CDYL2: variants seen among roughly 807,000 people sequenced by gnomAD.
The protein encoded by CDYL2 is chromodomain Y like 2, also known as chromodomain Y-like protein 2.
A neutral mutation model predicts 49.4 loss-of-function variants in CDYL2; 23 were observed. The ratio of observed to expected loss-of-function variants is 0.47; its 90% CI spans 0.34 to 0.66. CDYL2 has a LOEUF of 0.66. CDYL2 is among the 30% of genes least tolerant of loss of function. The pLI is 0.01. For missense variants in CDYL2, 678 were observed against 656.4 expected, an observed-to-expected ratio of 1.03 and a Z score of -0.36; for synonymous variants, 360 against 268.8, an observed-to-expected ratio of 1.34 and a Z score of -3.32.
At chr16:80,622,692 T>C (rs1333412050) in intron 3 of CDYL2, among the ~76,000 whole-genome samples, 2 of 152,108 alleles carry the variant, frequency 1.3e-5, no homozygotes, top group Non-Finnish European at 2.9e-5. Context: ...GCAGGCTGCT[T>C]GCTCACCCAC....
intron 1 of CDYL2, among the ~76,000 whole-genome samples, chr16:80,800,758 G>T (rs150026189): frequency 5.9e-5 from 9 of 152,220 alleles, no homozygotes; most frequent in African/African-American, 2.2e-4. Context: ...CCAGTCTTCT[G>T]CTCACTGATT....
At chr16:80,688,272 A>G (rs1208528233) in intron 1 of CDYL2, among the ~76,000 whole-genome samples, 1 of 152,180 alleles carries the variant, frequency 6.6e-6, no homozygotes, top group Non-Finnish European at 1.5e-5. Flanking sequence ...ACCCAATACC[A>G]ATGATGAGCA....
intron 2 of CDYL2, among the ~76,000 whole-genome samples, chr16:80,669,662 C>G (rs1358348605): frequency 6.6e-6 from 1 of 152,130 alleles, no homozygotes; most frequent in African/African-American, 2.4e-5. Context: ...AGACAGCTAA[C>G]TCTTATCCTC....
rs111623985 is a variant in CDYL2 at position 80,638,100 on chromosome 16, G to C, written c.617-4864C>G. 5.4e-3 allele frequency among the ~76,000 whole-genome samples: 816 copies of C among 151,832 alleles called. 10 individuals are homozygous for C. The highest frequency in any genetic ancestry group is 0.018 in the African/African-American group (748 of 41,412). ...TCCATTTTTTTTTTTCTTGAGACAA[G>C]GTCTTGCTGTGTCACCCAGGCTGGA... is the stretch of plus-strand genomic sequence containing the variant. On this transcript the variant is annotated intron_variant, in intron 2 of 6. Coordinates refer to ENST00000570137, the MANE Select transcript of CDYL2 (RefSeq NM_152342.4).
chr16:80,609,333 G>A (rs1906490527), intron 5 of CDYL2, among the ~76,000 whole-genome samples: 1 of 152,168 alleles, frequency 6.6e-6, no homozygotes, highest in African/African-American at 2.4e-5. Flanking sequence ...GCCTCTACAT[G>A]CTAGCTCCTC....
chr16:80,681,806 C>G (rs534046810), intron 2 of CDYL2, among the ~76,000 whole-genome samples: 67 of 152,324 alleles, frequency 4.4e-4, no homozygotes, highest in African/African-American at 1.5e-3. Context: ...ATTCCAACTT[C>G]CTGGCAAGTT....
At chr16:80,737,513 T>A (rs1007010674) in intron 1 of CDYL2, among the ~76,000 whole-genome samples, 3 of 152,192 alleles carry the variant, frequency 2.0e-5, no homozygotes, top group African/African-American at 7.2e-5. Flanking sequence ...TGTACCTTGC[T>A]CTAGGTACCG....
Position 80,633,005 on chromosome 16 carries a change from C to A in CDYL2, c.834+14G>T. On this transcript the variant is annotated intron_variant, in intron 3 of 6. Transcript: ENST00000570137. ...CAGCCCAGCTTGCCCTTCCCTCTGG[C>A]CGCCACCCCTTACCTCAGGTGTCAG... 6 of 1,609,922 alleles carry A rather than the reference C, an allele frequency of 3.7e-6. No homozygotes were observed. The highest frequency in any genetic ancestry group is 5.1e-6 in the Non-Finnish European group (6 of 1,176,476).
At chr16:80,663,828 G>A (rs1398752589) in intron 2 of CDYL2, among the ~76,000 whole-genome samples, 3 of 152,198 alleles carry the variant, frequency 2.0e-5, no homozygotes, top group African/African-American at 4.8e-5. Flanking sequence ...CCTGAGCTCA[G>A]GCAATCCACC....
Position 80,684,642 on chromosome 16 carries a change from C to T in CDYL2, c.512G>A (p.Gly171Glu), listed in dbSNP as rs1273667185. ...AGSEKDERHF[G>E]NGSHQPGLDL... is the part of the protein sequence containing the mutation. ...CAAGCCAGGCTGATGGGACCCATTT[C>T]CAAAGTGCCTCTCATCCTTCTCAGA... The change falls in exon 2 of 7, where the codon GGA (glycine) becomes GAA (glutamate). Residue 171 changes from glycine (G) to glutamate (E), a missense_variant. Coordinates refer to ENST00000570137, the MANE Select transcript of CDYL2 (RefSeq NM_152342.4). The T allele has an allele frequency of 1.2e-6, 2 of 1,614,096 alleles. No homozygotes were observed. The highest frequency in any genetic ancestry group is 1.7e-6 in the Non-Finnish European group (2 of 1,180,042).
intron 1 of CDYL2, among the ~76,000 whole-genome samples, chr16:80,781,072 G>A (rs956952753): frequency 2.6e-5 from 4 of 152,078 alleles, no homozygotes; most frequent in Non-Finnish European, 5.9e-5. Flanking sequence ...CCCATAAAAA[G>A]GAAAGAGGAT....
chr16:80,691,302 G>A (rs933303376), intron 1 of CDYL2, among the ~76,000 whole-genome samples: 2 of 152,186 alleles, frequency 1.3e-5, no homozygotes, highest in African/African-American at 2.4e-5. Flanking sequence ...GATAAAGAGG[G>A]CAAGTTCTGG....
chr16:80,708,668 G>A (rs144703434), intron 1 of CDYL2, among the ~76,000 whole-genome samples: 3 of 152,238 alleles, frequency 2.0e-5, no homozygotes, highest in African/African-American at 7.2e-5. Context: ...GGGCGTCACT[G>A]TACCCAAGAG....
intron 2 of CDYL2, among the ~76,000 whole-genome samples, chr16:80,642,455 T>C (rs538048853): frequency 2.6e-4 from 40 of 152,246 alleles, no homozygotes; most frequent in African/African-American, 9.6e-4. Context: ...AAAAATTATA[T>C]ATTTATTAGT....
chr16:80,729,472 A>G (rs1905260555), intron 1 of CDYL2, among the ~76,000 whole-genome samples: 1 of 152,166 alleles, frequency 6.6e-6, no homozygotes, highest in Admixed American at 6.5e-5. Context: ...TGACCTACAA[A>G]GAGACTTAGA....
chr16:80,756,370 T>C (rs1429034380), intron 1 of CDYL2, among the ~76,000 whole-genome samples: 1 of 152,098 alleles, frequency 6.6e-6, no homozygotes, highest in Non-Finnish European at 1.5e-5. Flanking sequence ...TGAGGAATAT[T>C]TAACAAGGGA....
At chr16:80,667,443 T>C (rs568719450) in intron 2 of CDYL2, among the ~76,000 whole-genome samples, 1 of 152,300 alleles carries the variant, frequency 6.6e-6, no homozygotes, top group East Asian at 1.9e-4. Context: ...TTTCGGCTCA[T>C]TTTATCAGAT....
intron 1 of CDYL2, among the ~76,000 whole-genome samples, chr16:80,763,404 G>C (rs958896732): frequency 4.3e-5 from 1 of 23,428 alleles, no homozygotes; most frequent in African/African-American, 1.8e-4. Flanking sequence ...TGAGGTCAGA[G>C]ATCAGCCTGG....
chr16:80,615,496 C>T (rs1906788463), intron 4 of CDYL2, among the ~76,000 whole-genome samples: 1 of 152,044 alleles, frequency 6.6e-6, no homozygotes, highest in South Asian at 2.1e-4. Flanking sequence ...CATCATTCCG[C>T]CTCTGCTGGA....
Sources: gnomAD v4.1 joint callset for allele counts (sites outside exome capture counted in the v4.1 genomes callset) on GRCh38, gnomAD v4.1.1 for gene constraint, MANE v1.5 for transcripts, NCBI Gene and HGNC (gene_info 2026-07-23, HGNC 2026-07-21) for gene names.